The following STAU2 variants were observed in gnomAD, a reference collection of about 807,000 sequenced individuals.
The protein encoded by STAU2 is double-stranded RNA-binding protein Staufen homolog 2.
STAU2 carries 20 observed loss-of-function variants against 65.9 expected under a neutral mutation model. The ratio of observed to expected loss-of-function variants is 0.30; its 90% confidence interval spans 0.21 to 0.44. The LOEUF (loss-of-function observed/expected upper bound fraction) is 0.44. Ranked by LOEUF, STAU2 falls within the 20% of genes least tolerant of loss-of-function variation. The probability of loss-of-function intolerance (pLI) is 1.00; values close to 1 mark genes in which losing one functional copy is unlikely to be tolerated. For synonymous variants in STAU2, 232 were observed against 233.9 expected, an observed-to-expected ratio of 0.99 and a Z score of 0.07; for missense variants, 558 against 683.9, an observed-to-expected ratio of 0.82 and a Z score of 2.05.
intron 6 of STAU2, among the ~76,000 whole-genome samples, chr8:73,662,925 T>C (rs6991667): frequency 0.2 from 30,928 of 151,986 alleles, 3,534 homozygotes; most frequent in East Asian, 0.37. Context: ...CCAGGTTCTT[T>C]TTTTTTTCTG....
chr8:73,630,837 T>C (rs1814041599), intron 6 of STAU2, among the ~76,000 whole-genome samples: 1 of 152,214 alleles, frequency 6.6e-6, no homozygotes, highest in Non-Finnish European at 1.5e-5. Context: ...TCAGCCTTCT[T>C]TGATATTCTA....
At chr8:73,528,028 C>T (rs1805558367) in intron 13 of STAU2, among the ~76,000 whole-genome samples, 1 of 152,152 alleles carries the variant, frequency 6.6e-6, no homozygotes, top group Non-Finnish European at 1.5e-5. Context: ...AGTGCTTTTA[C>T]ATTATAGCTA....
At chr8:73,695,001 G>A (rs537446694) in intron 4 of STAU2, among the ~76,000 whole-genome samples, 8 of 152,216 alleles carry the variant, frequency 5.3e-5, no homozygotes, top group South Asian at 2.1e-4. Flanking sequence ...GAAGTGCTCC[G>A]GGGTCCTAGA....
At chr8:73,524,665 CA>C (rs1194721732) in intron 13 of STAU2, among the ~76,000 whole-genome samples, 1 of 152,152 alleles carries the variant, frequency 6.6e-6, no homozygotes, top group African/African-American at 2.4e-5. Flanking sequence ...ACCTGTGTTT[CA>C]TAAGAAGGAC....
At chr8:73,742,105 G>T in intron 1 of STAU2, 2 of 561,094 alleles carry the variant, frequency 3.6e-6, no homozygotes, top group Non-Finnish European at 4.5e-6. Flanking sequence ...GTTCACAGTG[G>T]CACGTCTTTA....
At chr8:73,744,938 T>G (rs1365602155) in intron 1 of STAU2, among the ~76,000 whole-genome samples, 1 of 152,214 alleles carries the variant, frequency 6.6e-6, no homozygotes, top group Non-Finnish European at 1.5e-5. Flanking sequence ...TACACAGCAT[T>G]TTATTTGAAA....
At chr8:73,508,409 A>G (rs143534915) in intron 13 of STAU2, among the ~76,000 whole-genome samples, 163 of 152,282 alleles carry the variant, frequency 1.1e-3, no homozygotes, top group Non-Finnish European at 1.9e-3. Context: ...GAGCAGTGAG[A>G]ACACACAGAA....
chr8:73,587,279 C>T (rs911677143), intron 11 of STAU2, among the ~76,000 whole-genome samples: 1 of 151,964 alleles, frequency 6.6e-6, no homozygotes, highest in Non-Finnish European at 1.5e-5. Flanking sequence ...ACCACAAGAT[C>T]TCAAAAAAAA....
At chr8:73,691,546 C>G (rs10086435) in intron 4 of STAU2, among the ~76,000 whole-genome samples, 1 of 151,448 alleles carries the variant, frequency 6.6e-6, no homozygotes, top group African/African-American at 2.4e-5. Flanking sequence ...CAACTACTGA[C>G]TCAACTTAAA....
intron 13 of STAU2, among the ~76,000 whole-genome samples, chr8:73,473,734 T>A (rs1401161621): frequency 6.6e-6 from 1 of 152,110 alleles, no homozygotes; most frequent in African/African-American, 2.4e-5. Flanking sequence ...TACAGCACCA[T>A]CACAAGGATT....
chr8:73,464,600 G>GCAAACACACACA (rs1819548981), intron 13 of STAU2, among the ~76,000 whole-genome samples: 1 of 101,886 alleles, frequency 9.8e-6, no homozygotes, highest in Non-Finnish European at 2.1e-5. Context: ...GTGTGCACGC[G>GCAAACACACACA]CACACACACA....
chr8:73,469,940 G>A (rs761128263), intron 13 of STAU2, among the ~76,000 whole-genome samples: 1 of 152,170 alleles, frequency 6.6e-6, no homozygotes, highest in Admixed American at 6.6e-5. Context: ...ACAAAAGGCA[G>A]CACAAGCAGT....
intron 4 of STAU2, among the ~76,000 whole-genome samples, chr8:73,699,816 C>T (rs961257009): frequency 8.6e-5 from 12 of 139,910 alleles, no homozygotes; most frequent in African/African-American, 3.0e-4. Context: ...CAAACTCATT[C>T]TGTGAGGCCA....
chr8:73,591,880 GGT>G, intron 11 of STAU2, among the ~76,000 whole-genome samples: 1 of 49,218 alleles, frequency 2.0e-5, no homozygotes, highest in Non-Finnish European at 3.3e-5. Flanking sequence ...GTATCCCAGA[GGT>G]AAAAAAAAAA....
At chr8:73,636,233 T>G (rs1376681939) in intron 6 of STAU2, among the ~76,000 whole-genome samples, 1 of 152,030 alleles carries the variant, frequency 6.6e-6, no homozygotes, top group Non-Finnish European at 1.5e-5. Context: ...AAAAATTAGC[T>G]GGGCATGGCA....
intron 5 of STAU2, among the ~76,000 whole-genome samples, chr8:73,682,227 C>T (rs1428368761): frequency 6.6e-6 from 1 of 151,860 alleles, no homozygotes; most frequent in East Asian, 1.9e-4. Flanking sequence ...ACATAAGCCA[C>T]AAAACAAGTC....
chr8:73,580,799 T>C (rs1284893485), intron 12 of STAU2, among the ~76,000 whole-genome samples: 1 of 152,138 alleles, frequency 6.6e-6, no homozygotes, highest in African/African-American at 2.4e-5. Context: ...TCCTCTATCG[T>C]AATCCAAGGA....
At chr8:73,665,289 A>C (rs1817152288) in intron 6 of STAU2, among the ~76,000 whole-genome samples, 1 of 152,204 alleles carries the variant, frequency 6.6e-6, no homozygotes. Context: ...TGATATCTAC[A>C]TGAAGTAGAA....
At chr8:73,729,254 G>A (rs975974350) in intron 3 of STAU2, among the ~76,000 whole-genome samples, 17 of 152,174 alleles carry the variant, frequency 1.1e-4, no homozygotes, top group African/African-American at 4.1e-4. Flanking sequence ...CTGGGAATAA[G>A]TCCCACTTGG....
Sources: gnomAD v4.1 joint callset for allele counts (sites outside exome capture counted in the v4.1 genomes callset) on GRCh38, gnomAD v4.1.1 for gene constraint, MANE v1.5 for transcripts, NCBI Gene and HGNC (gene_info 2026-07-23, HGNC 2026-07-21) for gene names.